Variants in MBNL1 observed in about 807,000 individuals in gnomAD.
MBNL1 encodes muscleblind-like protein 1.
In MBNL1, 8 loss-of-function variants were observed where a neutral mutation model predicts 42.2. That is an observed-to-expected ratio of 0.19 (90% confidence interval 0.11 to 0.34). MBNL1 has a LOEUF of 0.34. MBNL1 is among the 10% of genes least tolerant of loss of function. The probability of loss-of-function intolerance (pLI) is 1.00; values close to 1 mark genes in which losing one functional copy is unlikely to be tolerated. For missense variants in MBNL1, 309 were observed against 495.3 expected (o/e 0.62, Z 3.57); for synonymous variants, 169 against 173.9 (o/e 0.97, Z 0.22).
At chr3:152,363,409 A>G (rs1451180498) in intron 2 of MBNL1, among the ~76,000 whole-genome samples, 4 of 152,152 alleles carry the variant, frequency 2.6e-5, no homozygotes, top group African/African-American at 4.8e-5. Context: ...ACTATGTGCT[A>G]TGATCATTAA....
At chr3:152,329,917 G>A (rs1423879576) in intron 2 of MBNL1, among the ~76,000 whole-genome samples, 1 of 151,484 alleles carries the variant, frequency 6.6e-6, no homozygotes, top group Non-Finnish European at 1.5e-5. Context: ...AATATTTTAA[G>A]GATTATTTCT....
chr3:152,397,831 A>G (rs913015793), intron 2 of MBNL1, among the ~76,000 whole-genome samples: 4 of 152,196 alleles, frequency 2.6e-5, no homozygotes, highest in Non-Finnish European at 4.4e-5. Context: ...TAAACTAGCA[A>G]AAATCAGTAG....
At chr3:152,271,411 T>C (rs145169965) in intron 1 of MBNL1, among the ~76,000 whole-genome samples, 1 of 152,218 alleles carries the variant, frequency 6.6e-6, no homozygotes, top group African/African-American at 2.4e-5. Context: ...AAATGCCTTA[T>C]CTTCATTATA....
At chr3:152,415,664 G>T (rs1264923004) in intron 3 of MBNL1, among the ~76,000 whole-genome samples, 3 of 152,266 alleles carry the variant, frequency 2.0e-5, no homozygotes, top group African/African-American at 7.2e-5. Flanking sequence ...AGACTTGGAG[G>T]TCTCATTAAA....
At chr3:152,433,268 T>C (rs2153766416) in intron 4 of MBNL1, among the ~76,000 whole-genome samples, 1 of 151,998 alleles carries the variant, frequency 6.6e-6, no homozygotes, top group African/African-American at 2.4e-5. Context: ...TGAATGTTTG[T>C]TGTTGTTGTT....
intron 3 of MBNL1, among the ~76,000 whole-genome samples, chr3:152,425,890 A>C (rs768174817): frequency 1.4e-4 from 22 of 152,326 alleles, no homozygotes; most frequent in Middle Eastern, 3.4e-3. Flanking sequence ...ATAAAGACAC[A>C]TGCACACGTA....
intron 3 of MBNL1, among the ~76,000 whole-genome samples, chr3:152,423,188 A>C (rs1320096953): frequency 6.6e-6 from 1 of 152,304 alleles, no homozygotes; most frequent in African/African-American, 2.4e-5. Context: ...AAATAGATGG[A>C]TCACTAGCCA....
rs535522195 is a variant in MBNL1, at chr3:152,418,137, C to T, written c.345+3026C>T. Among the ~76,000 whole-genome samples the T allele has an allele frequency of 3.3e-5, 5 of 152,274 alleles. No individual in the cohort carries two copies. The East Asian group carries it at 7.7e-4, about 23-fold the overall frequency. ...TACAATACATTAGGGGCATTTACTG[C>T]ACTTGGCACTTTTTGTATATTAAAT... On this transcript the variant is annotated intron_variant, in intron 3 of 9. Transcript: ENST00000324210.
intron 1 of MBNL1, among the ~76,000 whole-genome samples, chr3:152,285,395 G>A (rs957907885): frequency 6.6e-6 from 1 of 151,966 alleles, no homozygotes; most frequent in African/African-American, 2.4e-5. Flanking sequence ...GATTTTAATG[G>A]GTCAGTCACT....
At chr3:152,336,907 C>A (rs928188758) in intron 2 of MBNL1, among the ~76,000 whole-genome samples, 1 of 152,200 alleles carries the variant, frequency 6.6e-6, no homozygotes, top group Non-Finnish European at 1.5e-5. Context: ...TCAAGAATTA[C>A]ACACACATAA....
intron 2 of MBNL1, among the ~76,000 whole-genome samples, chr3:152,248,109 A>G (rs1475037225): frequency 6.6e-6 from 1 of 152,090 alleles, no homozygotes; most frequent in Non-Finnish European, 1.5e-5. Context: ...GATTTTGAAA[A>G]AATAAGTAAA....
chr3:152,334,596 A>AATTTTCAG (rs1432592708), intron 2 of MBNL1, among the ~76,000 whole-genome samples: 1 of 152,200 alleles, frequency 6.6e-6, no homozygotes, highest in Non-Finnish European at 1.5e-5. Flanking sequence ...AAAACATTAG[A>AATTTTCAG]ATTTTCAGTA....
At chr3:152,340,496 T>A in intron 2 of MBNL1, 1 of 1,548,596 alleles carries the variant, frequency 6.5e-7, no homozygotes, top group Non-Finnish European at 8.7e-7. Context: ...TTTCTCAGAG[T>A]ATATTAAAAA....
At chr3:152,268,923 T>C (rs992923513), upstream of MBNL1, 1 of 456,122 alleles carries the variant, frequency 2.2e-6, no homozygotes, top group South Asian at 1.5e-5. Flanking sequence ...CACAGCGACA[T>C]GCAACAGTCT....
Position 152,465,102 on chromosome 3 carries a change from A to G in MBNL1, c.*2736A>G, listed in dbSNP as rs994883159. 2 of 152,520 alleles carry G rather than the reference A, an allele frequency of 1.3e-5. No homozygotes were observed. The highest frequency in any genetic ancestry group is 6.5e-5 in the Admixed American group (1 of 15,282). 9.4% of individuals were successfully genotyped at this position (152,520 alleles called of 1,614,324 possible). ...ACTCCATGGGGCCAAATCTGCCTGA[A>G]GATCATTACCAAAAATAGCAGGTAC... On this transcript the variant is annotated 3_prime_UTR_variant, in exon 10 of 10. Coordinates refer to ENST00000324210, the MANE Select transcript of MBNL1 (RefSeq NM_021038.5).
chr3:152,391,887 G>T (rs1462446945), intron 2 of MBNL1, among the ~76,000 whole-genome samples: 4 of 152,188 alleles, frequency 2.6e-5, no homozygotes. Context: ...TAACAGGGAA[G>T]CACATTTTGA....
chr3:152,288,383 G>A (rs1448495089), intron 1 of MBNL1, among the ~76,000 whole-genome samples: 1 of 152,206 alleles, frequency 6.6e-6, no homozygotes, highest in East Asian at 1.9e-4. Context: ...TGGAACCCCC[G>A]CCTCAGGGAA....
intron 2 of MBNL1, among the ~76,000 whole-genome samples, chr3:152,325,754 A>T (rs1448357742): frequency 6.6e-6 from 1 of 151,830 alleles, no homozygotes; most frequent in Non-Finnish European, 1.5e-5. Flanking sequence ...TTAAAAAAAA[A>T]AAAAAATCCT....
Position 152,463,005 on chromosome 3 carries a change from CCA to C in MBNL1, c.*640_*641del, listed in dbSNP as rs1560711589. The C allele has an allele frequency of 6.6e-6, 1 of 152,538 alleles. No homozygotes were observed. Among genetic ancestry groups the C allele is most frequent in the East Asian group, 1.9e-4 (1 of 5,190 alleles). 9.4% of individuals were successfully genotyped at this position (152,538 alleles called of 1,614,324 possible). A position where few individuals can be genotyped will look rare whatever the true frequency, so the allele number is the denominator to read the frequency against. ...TTAAAGCACATCATGGCTTTAAGTA[CCA>C]TGTTGTTAAGGATTCTCATGAAGTG... is the stretch of plus-strand genomic sequence containing the variant. On this transcript the variant is annotated 3_prime_UTR_variant, in exon 10 of 10. Transcript: ENST00000324210.
Sources: gnomAD v4.1 joint callset for allele counts (sites outside exome capture counted in the v4.1 genomes callset) on GRCh38, gnomAD v4.1.1 for gene constraint, MANE v1.5 for transcripts, NCBI Gene and HGNC (gene_info 2026-07-23, HGNC 2026-07-21) for gene names.